TXNL1: variants seen among roughly 807,000 people sequenced by gnomAD.
The protein encoded by TXNL1 is thioredoxin-like protein 1.
TXNL1 carries 14 observed loss-of-function variants against 35.5 expected under a neutral mutation model. The observed-to-expected ratio is 0.39, with a 90% CI of 0.26 to 0.62. The LOEUF (loss-of-function observed/expected upper bound fraction) is 0.62, where lower values mean the gene tolerates loss of function less well. Ranked by LOEUF, TXNL1 falls within the 20% of genes least tolerant of loss-of-function variation. The probability of loss-of-function intolerance (pLI) is 0.47; values close to 1 mark genes in which losing one functional copy is unlikely to be tolerated. For missense variants in TXNL1, 263 were observed against 349.7 expected (o/e 0.75, Z 1.98); for synonymous variants, 110 against 115.5 (o/e 0.95, Z 0.31).
At chr18:56,613,541 T>C (rs1481963839) in intron 6 of TXNL1, among the ~76,000 whole-genome samples, 1 of 152,176 alleles carries the variant, frequency 6.6e-6, no homozygotes, top group Non-Finnish European at 1.5e-5. Context: ...AGGCTGGGTG[T>C]AGTGGCTGAA....
At chr18:56,623,136 T>A (rs639048) in intron 3 of TXNL1, among the ~76,000 whole-genome samples, 14,731 of 152,222 alleles carry the variant, frequency 0.097, 860 homozygotes, top group Non-Finnish European at 0.13. Flanking sequence ...GTTTAAGATA[T>A]TAGCTTTGGC....
intron 4 of TXNL1, 75 bp downstream of exon 4, chr18:56,617,929 C>T (rs138954447): frequency 0.01 from 15,597 of 1,557,194 alleles, 130 homozygotes; most frequent in South Asian, 0.016. Flanking sequence ...ACGTAAGCCA[C>T]AAAATGGGAA....
chr18:56,620,821 T>C (rs1464259808), intron 3 of TXNL1, among the ~76,000 whole-genome samples: 1 of 152,206 alleles, frequency 6.6e-6, no homozygotes, highest in Non-Finnish European at 1.5e-5. Context: ...TAATAATCAT[T>C]AGTATAGACC....
chr18:56,633,667 A>G (rs981121304), intron 1 of TXNL1, among the ~76,000 whole-genome samples: 6 of 151,548 alleles, frequency 4.0e-5, no homozygotes, highest in Admixed American at 6.6e-5. Context: ...ATTATCTACA[A>G]AAGTGATACA....
intron 1 of TXNL1, among the ~76,000 whole-genome samples, chr18:56,630,052 A>T (rs979335341): frequency 2.6e-5 from 4 of 152,144 alleles, no homozygotes; most frequent in African/African-American, 9.7e-5. Flanking sequence ...TACAAAAATT[A>T]GCCAGGCGTG....
chr18:56,620,058 T>G (rs888136987), intron 3 of TXNL1, among the ~76,000 whole-genome samples: 1 of 152,148 alleles, frequency 6.6e-6, no homozygotes, highest in African/African-American at 2.4e-5. Context: ...AACCTCCACC[T>G]CCCGGGTTCA....
intron 1 of TXNL1, among the ~76,000 whole-genome samples, chr18:56,635,984 T>C (rs546999710): frequency 5.0e-4 from 76 of 152,340 alleles, no homozygotes; most frequent in Admixed American, 1.8e-3. Flanking sequence ...AGTGTGTACA[T>C]GATCAGCACA....
intron 1 of TXNL1, among the ~76,000 whole-genome samples, chr18:56,637,320 T>G (rs1192455150): frequency 6.6e-6 from 1 of 152,226 alleles, no homozygotes; most frequent in Non-Finnish European, 1.5e-5. Context: ...GAAAGTGTGT[T>G]ACATAAACAG....
intron 1 of TXNL1, among the ~76,000 whole-genome samples, chr18:56,630,132 G>A (rs1447407613): frequency 1.3e-5 from 2 of 151,216 alleles, no homozygotes; most frequent in Non-Finnish European, 2.9e-5. Context: ...CCGGAAGGTT[G>A]TAGTTAAGCC....
chr18:56,624,255 A>G (rs767253263), intron 3 of TXNL1, 33 bp downstream of exon 3: 2 of 1,585,180 alleles, frequency 1.3e-6, no homozygotes, highest in Non-Finnish European at 1.7e-6. Context: ...ACAAGATATT[A>G]TACATTATGA....
At chr18:56,638,085 G>T (rs185820487) in intron 1 of TXNL1, among the ~76,000 whole-genome samples, 99 of 152,306 alleles carry the variant, frequency 6.5e-4, no homozygotes, top group African/African-American at 2.3e-3. Context: ...GTTTGTCAAA[G>T]AATTGAAAAG....
chr18:56,600,643 A>C lies in TXNL1; in HGVS notation c.*2384T>G, dbSNP rs937017349. 5 of 150,448 alleles carry C rather than the reference A, an allele frequency of 3.3e-5. No individual in the cohort carries two copies. Among genetic ancestry groups the C allele is most frequent in the African/African-American group, 4.9e-5 (2 of 40,630 alleles). 9.3% of individuals were successfully genotyped at this position (150,448 alleles called of 1,614,324 possible). A position where few individuals can be genotyped will look rare whatever the true frequency, so the allele number is the denominator to read the frequency against. ...TCTAATTGTTACGTGGCTGCCTCCA[A>C]CAGTATATTGAGACTGGGGAACAAC... On this transcript the variant is annotated 3_prime_UTR_variant, in exon 8 of 8. Coordinates refer to ENST00000217515, the MANE Select transcript of TXNL1 (RefSeq NM_004786.3).
rs771102174 is a variant in TXNL1 at position 56,603,074 on chromosome 18, AG to A, written c.841-19del. Reference sequence around the variant, plus strand: ...CCAACTACCTAGAAAAACAAAAATAAGTTTATATGTACATCCTATTGATTTT... The same window carrying A: ...CCAACTACCTAGAAAAACAAAAATAATTTATATGTACATCCTATTGATTTT... On this transcript the variant is annotated intron_variant, in intron 7 of 7. Transcript: ENST00000217515. 6.2e-7 allele frequency: 1 copy of A among 1,604,022 alleles called. No individual in the cohort carries two copies. Among genetic ancestry groups the A allele is most frequent in the South Asian group, 1.1e-5 (1 of 90,868 alleles).
intron 6 of TXNL1, 58 bp from the exon 7 acceptor site, chr18:56,611,155 GT>G: frequency 8.7e-7 from 1 of 1,144,638 alleles, no homozygotes; most frequent in Non-Finnish European, 1.3e-6. Context: ...CATGCTTTAA[GT>G]TTAATCAATT....
intron 6 of TXNL1, 118 bp downstream of exon 6, chr18:56,614,306 A>T: frequency 1.1e-6 from 1 of 869,884 alleles, no homozygotes; most frequent in South Asian, 2.0e-5. Context: ...CATTTTACTC[A>T]TTTCAAACTG....
chr18:56,638,292 G>A (rs959170554), intron 1 of TXNL1, 51 bp downstream of exon 1: 101 of 1,538,522 alleles, frequency 6.6e-5, no homozygotes, highest in Non-Finnish European at 8.8e-5. Context: ...AGAGTGAAAG[G>A]AAAGCAAGGA....
chr18:56,631,028 G>A (rs760567799), intron 1 of TXNL1, among the ~76,000 whole-genome samples: 5 of 151,748 alleles, frequency 3.3e-5, no homozygotes, highest in East Asian at 1.9e-4. Flanking sequence ...CTACAGGCAC[G>A]TGCCACCATA....
intron 7 of TXNL1, among the ~76,000 whole-genome samples, chr18:56,606,675 T>C (rs184577370): frequency 2.6e-5 from 4 of 152,344 alleles, no homozygotes; most frequent in Admixed American, 2.6e-4. Flanking sequence ...GCTGGTAACG[T>C]CTGAGAATAC....
At chr18:56,628,569 A>T (rs531753025) in intron 1 of TXNL1, among the ~76,000 whole-genome samples, 7 of 152,218 alleles carry the variant, frequency 4.6e-5, no homozygotes, top group Non-Finnish European at 1.0e-4. Context: ...AAAGAAAGCA[A>T]CTACTAGCAT....
Sources: gnomAD v4.1 joint callset for allele counts (sites outside exome capture counted in the v4.1 genomes callset) on GRCh38, gnomAD v4.1.1 for gene constraint, MANE v1.5 for transcripts, NCBI Gene and HGNC (gene_info 2026-07-23, HGNC 2026-07-21) for gene names.